Variants in SAMD5 observed in about 807,000 individuals in gnomAD.
SAMD5 encodes the protein sterile alpha motif domain-containing protein 5.
SAMD5 carries 13 observed loss-of-function variants against 11.3 expected under a neutral mutation model. The observed-to-expected ratio is 1.15, with a 90% CI of 0.75 to 1.83. The LOEUF is 1.83. SAMD5 is among the 40% of genes most tolerant of loss of function. SAMD5 has a pLI of 0.00. For missense variants in SAMD5, 255 were observed against 239.1 expected, an observed-to-expected ratio of 1.07 and a Z score of -0.44; for synonymous variants, 129 against 111.3, an observed-to-expected ratio of 1.16 and a Z score of -1.00.
At chr6:147,713,373 C>T (rs56713366) in intron 1 of SAMD5, among the ~76,000 whole-genome samples, 13,005 of 152,094 alleles carry the variant, frequency 0.086, 844 homozygotes, top group African/African-American at 0.18. Flanking sequence ...CTTGGTTTGC[C>T]GAGTCGAGTG....
At chr6:147,889,691 G>A in the SAMD5 span, among the ~76,000 whole-genome samples, 1 of 152,238 alleles carries the variant, frequency 6.6e-6, no homozygotes, top group African/African-American at 2.4e-5. Flanking sequence ...AACAATGACG[G>A]GATTATGAGC....
intron 1 of SAMD5, among the ~76,000 whole-genome samples, chr6:147,688,344 C>A (rs1333598604): frequency 1.3e-5 from 2 of 151,680 alleles, no homozygotes; most frequent in East Asian, 1.9e-4. Context: ...TTATTTATTG[C>A]CAAATATAGT....
the SAMD5 span, among the ~76,000 whole-genome samples, chr6:147,880,513 A>T: frequency 1.3e-5 from 2 of 152,198 alleles, no homozygotes; most frequent in Non-Finnish European, 2.9e-5. Context: ...TTCCCTGAGC[A>T]TTTTAATAGA....
At chr6:147,901,152 C>T in the SAMD5 span, among the ~76,000 whole-genome samples, 2 of 151,988 alleles carry the variant, frequency 1.3e-5, no homozygotes, top group Non-Finnish European at 2.9e-5. Context: ...AATGATAGTA[C>T]CAGTATTATA....
At chr6:147,839,567 T>C in the SAMD5 span, among the ~76,000 whole-genome samples, 1 of 152,008 alleles carries the variant, frequency 6.6e-6, no homozygotes, top group Non-Finnish European at 1.5e-5. Flanking sequence ...CCGGCCAACA[T>C]GGCGAAACCC....
intron 1 of SAMD5, among the ~76,000 whole-genome samples, chr6:147,710,028 A>C (rs1791374582): frequency 6.6e-6 from 1 of 152,276 alleles, no homozygotes; most frequent in African/African-American, 2.4e-5. Context: ...TCTACCTCCA[A>C]ATTCATTTCC....
intron 1 of SAMD5, among the ~76,000 whole-genome samples, chr6:147,617,507 G>A (rs1789890457): frequency 6.6e-6 from 1 of 152,230 alleles, no homozygotes; most frequent in South Asian, 2.1e-4. Context: ...CTAAGCTGCA[G>A]GGATAGCTTT....
chr6:147,659,939 G>A (rs1790624150), intron 1 of SAMD5, among the ~76,000 whole-genome samples: 1 of 152,100 alleles, frequency 6.6e-6, no homozygotes. Context: ...AGTTGGCCAG[G>A]ACGTCCTAAT....
At chr6:147,666,245 A>G (rs1424720069) in intron 1 of SAMD5, among the ~76,000 whole-genome samples, 2 of 152,098 alleles carry the variant, frequency 1.3e-5, no homozygotes, top group Admixed American at 6.6e-5. Context: ...CCGTTTTTTA[A>G]AATTTTTACT....
chr6:147,821,825 T>C, the SAMD5 span, among the ~76,000 whole-genome samples: 1 of 152,206 alleles, frequency 6.6e-6, no homozygotes, highest in Admixed American at 6.5e-5. Context: ...CATTGTATTT[T>C]ATAAGTATGT....
At chr6:147,776,052 T>C in the SAMD5 span, among the ~76,000 whole-genome samples, 1 of 152,228 alleles carries the variant, frequency 6.6e-6, no homozygotes, top group Non-Finnish European at 1.5e-5. Context: ...AAGTCAAAGT[T>C]AACTATAGAC....
intron 1 of SAMD5, among the ~76,000 whole-genome samples, chr6:147,578,191 G>A (rs1789245956): frequency 6.6e-6 from 1 of 152,108 alleles, no homozygotes; most frequent in Admixed American, 6.5e-5. Context: ...TAAATTTTTT[G>A]AATCTTGCCT....
At chr6:147,856,837 C>A in the SAMD5 span, among the ~76,000 whole-genome samples, 1 of 150,160 alleles carries the variant, frequency 6.7e-6, no homozygotes, top group African/African-American at 2.5e-5. Flanking sequence ...GGGGGGGAAG[C>A]TTGTGTTAAG....
the SAMD5 span, among the ~76,000 whole-genome samples, chr6:147,839,650 T>C: frequency 1.3e-5 from 2 of 152,134 alleles, no homozygotes; most frequent in Non-Finnish European, 2.9e-5. Flanking sequence ...CTCGGGAGGC[T>C]GAGGCAGGAG....
the SAMD5 span, among the ~76,000 whole-genome samples, chr6:147,861,654 T>C: frequency 2.6e-5 from 4 of 152,308 alleles, no homozygotes; most frequent in Non-Finnish European, 4.4e-5. Flanking sequence ...CCAGATTTCT[T>C]TAAAACCATC....
the SAMD5 span, among the ~76,000 whole-genome samples, chr6:147,854,899 G>C: frequency 6.6e-6 from 1 of 152,148 alleles, no homozygotes; most frequent in African/African-American, 2.4e-5. Context: ...ACACTATAGA[G>C]AATGTACAGG....
chr6:147,594,920 C>A (rs1250208964), intron 1 of SAMD5, among the ~76,000 whole-genome samples: 1 of 152,244 alleles, frequency 6.6e-6, no homozygotes, highest in African/African-American at 2.4e-5. Context: ...GTGATGCCTG[C>A]ATCTTGAAAT....
chr6:147,804,650 A>T, the SAMD5 span, among the ~76,000 whole-genome samples: 1 of 152,242 alleles, frequency 6.6e-6, no homozygotes, highest in South Asian at 2.1e-4. Context: ...CTCAACTGAA[A>T]AGTGCAAAAA....
the SAMD5 span, among the ~76,000 whole-genome samples, chr6:147,869,102 A>G: frequency 5.9e-5 from 9 of 152,226 alleles, no homozygotes; most frequent in Non-Finnish European, 1.0e-4. Flanking sequence ...TTCATTTTTC[A>G]TCCTAGAAAT....
Sources: allele counts gnomAD v4.1 joint callset (sites outside exome capture counted in the v4.1 genomes callset), GRCh38; gene constraint gnomAD v4.1.1; transcripts MANE v1.5; gene names NCBI Gene and HGNC (gene_info 2026-07-23, HGNC 2026-07-21).